The following PDE1A variants were observed in gnomAD, a reference collection of about 807,000 sequenced individuals.
PDE1A encodes the protein dual specificity calcium/calmodulin-dependent 3',5'-cyclic nucleotide phosphodiesterase 1A.
PDE1A carries 35 observed loss-of-function variants against 61.7 expected under a neutral mutation model. That is an observed-to-expected ratio of 0.57 (90% CI 0.43 to 0.75). PDE1A has a LOEUF of 0.75. Among genes scored for constraint, PDE1A ranks in the 30% least tolerant of loss-of-function variants. The pLI, the probability that PDE1A is intolerant of heterozygous loss-of-function variation, is 0.00. For synonymous variants in PDE1A, 232 were observed against 213.2 expected (o/e 1.09, Z -0.77); for missense variants, 597 against 630.6 (o/e 0.95, Z 0.57).
chr2:182,550,761 T>C, the PDE1A span, among the ~76,000 whole-genome samples: 1 of 152,138 alleles, frequency 6.6e-6, no homozygotes, highest in African/African-American at 2.4e-5. Flanking sequence ...AGGAGTTGAC[T>C]CTGGAATCCA....
the PDE1A span, among the ~76,000 whole-genome samples, chr2:182,663,732 A>G: frequency 6.6e-6 from 1 of 152,108 alleles, no homozygotes; most frequent in East Asian, 1.9e-4. Context: ...TACCAGGCTT[A>G]GTACGTGAGT....
At chr2:182,450,678 CAA>C (rs1685450875) in intron 2 of PDE1A, among the ~76,000 whole-genome samples, 1 of 151,262 alleles carries the variant, frequency 6.6e-6, no homozygotes, top group South Asian at 2.1e-4. Context: ...TTCAAATTTC[CAA>C]AGAGCCATGC....
At chr2:182,301,403 A>T (rs1345984849) in intron 1 of PDE1A, among the ~76,000 whole-genome samples, 2 of 152,136 alleles carry the variant, frequency 1.3e-5, no homozygotes, top group African/African-American at 4.8e-5. Context: ...AAAAAGTCAA[A>T]CTATAAGTGC....
chr2:182,356,235 A>T (rs1699170757), intron 1 of PDE1A, among the ~76,000 whole-genome samples: 1 of 152,088 alleles, frequency 6.6e-6, no homozygotes, highest in Non-Finnish European at 1.5e-5. Flanking sequence ...ACTTGAAACC[A>T]GGAATTCAAG....
the PDE1A span, among the ~76,000 whole-genome samples, chr2:182,545,986 A>C: frequency 6.6e-6 from 1 of 152,228 alleles, no homozygotes; most frequent in African/African-American, 2.4e-5. Flanking sequence ...GACGAAAGTG[A>C]CCTTTTCAAG....
chr2:182,655,617 G>A, the PDE1A span, among the ~76,000 whole-genome samples: 3 of 152,170 alleles, frequency 2.0e-5, no homozygotes, highest in Admixed American at 2.0e-4. Context: ...ATGAGAGAAG[G>A]AAGGAAAACA....
intron 1 of PDE1A, among the ~76,000 whole-genome samples, chr2:182,295,966 C>T (rs1559307176): frequency 6.6e-6 from 1 of 152,056 alleles, no homozygotes; most frequent in Non-Finnish European, 1.5e-5. Flanking sequence ...GAAATTTACT[C>T]GTTAATTAAC....
At chr2:182,362,135 T>G (rs1699547754) in intron 1 of PDE1A, among the ~76,000 whole-genome samples, 1 of 152,080 alleles carries the variant, frequency 6.6e-6, no homozygotes. Flanking sequence ...TTTGCTAGTC[T>G]GGTACTTTCT....
intron 1 of PDE1A, among the ~76,000 whole-genome samples, chr2:182,294,991 T>G (rs1694778702): frequency 6.6e-6 from 1 of 151,766 alleles, no homozygotes; most frequent in Non-Finnish European, 1.5e-5. Flanking sequence ...CGCAGCTAAT[T>G]TTAGGTAACT....
intron 3 of PDE1A, among the ~76,000 whole-genome samples, chr2:182,239,746 T>C (rs1390982938): frequency 6.6e-6 from 1 of 152,196 alleles, no homozygotes; most frequent in Non-Finnish European, 1.5e-5. Flanking sequence ...CTACCCAGTG[T>C]AGAATGTATT....
chr2:182,186,566 C>T (rs1454377903), exon 12 of PDE1A: 2 of 1,610,678 alleles, frequency 1.2e-6, no homozygotes, highest in African/African-American at 2.7e-5. Flanking sequence ...AAAATGTTGG[C>T]TCTACTATGA....
intron 1 of PDE1A, among the ~76,000 whole-genome samples, chr2:182,284,552 CATTA>C (rs1694032637): frequency 6.6e-6 from 1 of 151,922 alleles, no homozygotes; most frequent in Non-Finnish European, 1.5e-5. Context: ...TATATAATGT[CATTA>C]ATTATCAGAT....
At chr2:182,581,056 T>C in the PDE1A span, among the ~76,000 whole-genome samples, 1 of 152,200 alleles carries the variant, frequency 6.6e-6, no homozygotes, top group Non-Finnish European at 1.5e-5. Context: ...ACCATAGCTG[T>C]TGACCACATA....
At chr2:182,669,604 A>C in the PDE1A span, among the ~76,000 whole-genome samples, 1 of 152,212 alleles carries the variant, frequency 6.6e-6, no homozygotes, top group Non-Finnish European at 1.5e-5. Flanking sequence ...TTCCTGATTA[A>C]AGATTTTTAA....
intron 1 of PDE1A, among the ~76,000 whole-genome samples, chr2:182,272,977 G>C (rs1239089582): frequency 2.6e-5 from 4 of 152,054 alleles, no homozygotes; most frequent in Non-Finnish European, 5.9e-5. Context: ...GAACATTAGA[G>C]TAAGGAAGTT....
At chr2:182,301,470 C>A (rs1224347432) in intron 1 of PDE1A, among the ~76,000 whole-genome samples, 1 of 152,152 alleles carries the variant, frequency 6.6e-6, no homozygotes, top group South Asian at 2.1e-4. Context: ...CCATGTTCCA[C>A]TTTCAACTCA....
At chr2:182,503,005 TTCTCTC>T (rs145626816) in intron 2 of PDE1A, among the ~76,000 whole-genome samples, 5 of 127,422 alleles carry the variant, frequency 3.9e-5, no homozygotes, top group African/African-American at 1.6e-4. Flanking sequence ...GGTTCTCTCT[TTCTCTC>T]TCTCTCTCTC....
the PDE1A span, among the ~76,000 whole-genome samples, chr2:182,628,670 G>GT: frequency 2.8e-3 from 416 of 151,074 alleles, no homozygotes; most frequent in Non-Finnish European, 4.4e-3. Context: ...CTTAATGTCT[G>GT]TTTTTTTTTA....
chr2:182,426,862 G>A, exon 1 of PDE1A: 1 of 1,326,276 alleles, frequency 7.5e-7, no homozygotes, highest in South Asian at 2.0e-5. Context: ...ACAGAGCAGG[G>A]TGTGCAAAAA....
Sources: gnomAD v4.1 joint callset for allele counts (sites outside exome capture counted in the v4.1 genomes callset) on GRCh38, gnomAD v4.1.1 for gene constraint, MANE v1.5 for transcripts, NCBI Gene and HGNC (gene_info 2026-07-23, HGNC 2026-07-21) for gene names.